Variants in CFAP20DC observed in about 807,000 individuals in gnomAD.
The protein encoded by CFAP20DC is CFAP20 domain containing.
Under a neutral mutation model 101.7 loss-of-function variants are expected in CFAP20DC, and 84 were observed. The observed-to-expected ratio is 0.83, with a 90% CI of 0.69 to 0.99. CFAP20DC has a LOEUF of 0.99. Ranked by LOEUF, CFAP20DC falls within the 50% of genes least tolerant of loss-of-function variation. The pLI is 0.00. For synonymous variants in CFAP20DC, 359 were observed against 351.2 expected (o/e 1.02, Z -0.25); for missense variants, 1,007 against 970.3 (o/e 1.04, Z -0.50).
chr3:58,876,500 T>C (rs1343495704), intron 7 of CFAP20DC, among the ~76,000 whole-genome samples: 1 of 152,098 alleles, frequency 6.6e-6, no homozygotes, highest in Non-Finnish European at 1.5e-5. Context: ...CAAGATTAGA[T>C]TAAAGTCATG....
chr3:58,835,564 T>G (rs2076681643), intron 13 of CFAP20DC, among the ~76,000 whole-genome samples: 1 of 152,188 alleles, frequency 6.6e-6, no homozygotes, highest in Non-Finnish European at 1.5e-5. Context: ...GATGCTATAT[T>G]TGCTTAAAAT....
At chr3:59,020,380 T>A (rs1300106708) in intron 4 of CFAP20DC, among the ~76,000 whole-genome samples, 1 of 152,074 alleles carries the variant, frequency 6.6e-6, no homozygotes, top group Non-Finnish European at 1.5e-5. Flanking sequence ...GTATTACCAA[T>A]GCACAAGAGA....
intron 16 of CFAP20DC, among the ~76,000 whole-genome samples, chr3:58,748,940 C>T (rs1049295026): frequency 3.3e-5 from 5 of 152,088 alleles, no homozygotes; most frequent in Admixed American, 1.3e-4. Flanking sequence ...TAATATAACC[C>T]CACACTAAGC....
intron 15 of CFAP20DC, among the ~76,000 whole-genome samples, chr3:58,779,778 T>A (rs1003151682): frequency 2.0e-5 from 3 of 152,244 alleles, no homozygotes; most frequent in Admixed American, 6.5e-5. Context: ...ATGAAAGGGT[T>A]AGAAAAATCT....
At chr3:58,763,882 T>A (rs1157571099) in intron 15 of CFAP20DC, among the ~76,000 whole-genome samples, 3 of 152,196 alleles carry the variant, frequency 2.0e-5, no homozygotes, top group African/African-American at 7.2e-5. Flanking sequence ...TGTTGCTGCC[T>A]GATAGTTCCT....
intron 5 of CFAP20DC, among the ~76,000 whole-genome samples, chr3:58,925,557 T>C (rs970179858): frequency 7.2e-5 from 11 of 152,238 alleles, no homozygotes; most frequent in Non-Finnish European, 1.3e-4. Context: ...AGGTTTATGA[T>C]GATACCATAT....
At position 58,971,372 on chromosome 3, in the gene CFAP20DC, G is replaced by C. The variant is rs1251998260; in HGVS notation, c.279-33610C>G. 1.3e-5 allele frequency among the ~76,000 whole-genome samples: 2 copies of C among 152,026 alleles called. No homozygotes were observed. Among genetic ancestry groups the C allele is most frequent in the Non-Finnish European group, 2.9e-5 (2 of 67,982 alleles). ...ATTGCGCACCAATCAAAATTTGACA[G>C]TATCCAACAAGAGGAAAATCTGTCA... On this transcript the variant is annotated intron_variant, in intron 4 of 16. Transcript: ENST00000482387. The surrounding 1 kb of genome is among the most constrained non-coding windows in gnomAD (Gnocchi z 4.1).
At chr3:58,896,680 T>A (rs909616882) in intron 6 of CFAP20DC, among the ~76,000 whole-genome samples, 19 of 152,246 alleles carry the variant, frequency 1.2e-4, no homozygotes, top group African/African-American at 3.9e-4. Flanking sequence ...AATTTCCAAG[T>A]ACTTGTGTAG....
At chr3:58,743,691 A>T (rs1452332849) in intron 16 of CFAP20DC, among the ~76,000 whole-genome samples, 1 of 152,144 alleles carries the variant, frequency 6.6e-6, no homozygotes, top group Non-Finnish European at 1.5e-5. Flanking sequence ...AAAGCCCATG[A>T]TCTTAAGTGT....
In CFAP20DC at chr3:58,831,830, T is replaced by C. The variant is rs2076413352; in HGVS notation, c.2031A>G (p.Leu677=). The part of the protein sequence containing the change: ...SQMSESELQM[L]ASLRWQQNEE... ...CATTTTGTTGCCACCGTAGGCTTGC[T>C]AGCATCTGTAACTCGGATTCACTCA... is the stretch of plus-strand genomic sequence containing the variant. The change falls in exon 14 of 17, where the codon CTA becomes CTG. Residue 677 remains leucine, a synonymous_variant. Coordinates refer to ENST00000482387, the MANE Select transcript of CFAP20DC (RefSeq NM_001394063.1). 2 of 1,614,118 alleles carry C rather than the reference T, an allele frequency of 1.2e-6. No homozygotes were observed. The highest frequency in any genetic ancestry group is 1.7e-6 in the Non-Finnish European group (2 of 1,179,976).
chr3:59,048,849 G>A (rs116438425), intron 1 of CFAP20DC, among the ~76,000 whole-genome samples: 2,142 of 152,266 alleles, frequency 0.014, 51 homozygotes, highest in African/African-American at 0.049. Flanking sequence ...GCGAGGAGAG[G>A]AGACCAGGAA....
At position 58,875,415 on chromosome 3, in the gene CFAP20DC, T is replaced by C. The variant is rs2080662464; in HGVS notation, c.716-5106A>G. Among the ~76,000 whole-genome samples, 4 of 152,194 alleles carry C rather than the reference T, an allele frequency of 2.6e-5. No homozygotes were observed. The South Asian group carries it at 8.3e-4, about 32-fold the overall frequency. Reference sequence around the variant, plus strand: ...AAATTCTAGACTATTCATTTGGTTCTCAAATGTTGATTTTTTCAGAGAAAA... The same window carrying C: ...AAATTCTAGACTATTCATTTGGTTCCCAAATGTTGATTTTTTCAGAGAAAA... On this transcript the variant is annotated intron_variant, in intron 7 of 16. Coordinates refer to ENST00000482387, the MANE Select transcript of CFAP20DC (RefSeq NM_001394063.1).
rs1321814640 is a variant in CFAP20DC at position 58,913,634 on chromosome 3, A to G, written c.550+74T>C. 1.4e-6 allele frequency: 2 copies of G among 1,462,944 alleles called. No homozygotes were observed. Among genetic ancestry groups the G allele is most frequent in the South Asian group, 2.3e-5 (2 of 88,028 alleles). The allele number at this position is 1,462,944 out of a possible 1,614,324, so 90.6% of individuals were successfully genotyped here. A position where few individuals can be genotyped will look rare whatever the true frequency, so the allele number is the denominator to read the frequency against. On this transcript the variant is annotated intron_variant, in intron 6 of 16. Transcript: ENST00000482387. This position sits in a 1 kb window ranked among gnomAD's most constrained non-coding sequence, Gnocchi z 4.4. ...CATCAAACTGCTACCACACACTCAT[A>G]CTATCCCAAAGGTATGGCTAATTTT...
chr3:58,888,005 T>C (rs753588227), intron 6 of CFAP20DC, among the ~76,000 whole-genome samples: 1 of 152,194 alleles, frequency 6.6e-6, no homozygotes, highest in Non-Finnish European at 1.5e-5. Flanking sequence ...GGACCATCTA[T>C]TACCTGGCAG....
intron 15 of CFAP20DC, among the ~76,000 whole-genome samples, chr3:58,784,118 C>T (rs571656523): frequency 6.6e-6 from 1 of 151,794 alleles, no homozygotes; most frequent in Non-Finnish European, 1.5e-5. Context: ...GATCTTGTTG[C>T]CATTTTTATG....
intron 4 of CFAP20DC, among the ~76,000 whole-genome samples, chr3:58,998,486 C>T (rs904158275): frequency 3.9e-5 from 6 of 152,178 alleles, no homozygotes; most frequent in East Asian, 1.9e-4. Context: ...TGCTTTACTG[C>T]GTCCTTACCA....
At chr3:58,814,292 G>A (rs997570433) in intron 14 of CFAP20DC, among the ~76,000 whole-genome samples, 2 of 151,806 alleles carry the variant, frequency 1.3e-5, no homozygotes, top group African/African-American at 4.9e-5. Context: ...TCTTGTTAGT[G>A]ACTCAGCCCC....
At chr3:59,039,937 A>G (rs983436503) in intron 3 of CFAP20DC, among the ~76,000 whole-genome samples, 1 of 152,072 alleles carries the variant, frequency 6.6e-6, no homozygotes, top group South Asian at 2.1e-4. Flanking sequence ...TACACATAGA[A>G]CTGCATTCAA....
At chr3:58,996,114 G>T (rs1003330075) in intron 4 of CFAP20DC, among the ~76,000 whole-genome samples, 2 of 150,226 alleles carry the variant, frequency 1.3e-5, no homozygotes, top group Non-Finnish European at 2.9e-5. Context: ...AAAAAAAAAA[G>T]TGTTTACTTA....
Sources: allele counts gnomAD v4.1 joint callset (sites outside exome capture counted in the v4.1 genomes callset), GRCh38; gene constraint gnomAD v4.1.1; non-coding constraint Gnocchi (gnomAD v3.1); transcripts MANE v1.5; gene names NCBI Gene and HGNC (gene_info 2026-07-23, HGNC 2026-07-21).